The following DGKB variants were observed in gnomAD, a reference collection of about 807,000 sequenced individuals.
DGKB encodes the protein 90 kDa diacylglycerol kinase.
Under a neutral mutation model 114.3 loss-of-function variants are expected in DGKB, and 67 were observed. That is an observed-to-expected ratio of 0.59 (90% CI 0.48 to 0.72). The LOEUF is 0.72. Among genes scored for constraint, DGKB ranks in the 30% least tolerant of loss-of-function variants. The pLI, the probability that DGKB is intolerant of heterozygous loss-of-function variation, is 0.00. For synonymous variants in DGKB, 398 were observed against 323.1 expected (o/e 1.23, Z -2.49); for missense variants, 907 against 975.2 (o/e 0.93, Z 0.93).
chr7:14,650,140 G>A (rs1325795137), intron 13 of DGKB, among the ~76,000 whole-genome samples: 28 of 144,790 alleles, frequency 1.9e-4, no homozygotes, highest in African/African-American at 4.9e-4. Flanking sequence ...TCTGCACCAA[G>A]TGGACCTAAT....
At chr7:14,430,467 T>C (rs1445583589) in intron 21 of DGKB, among the ~76,000 whole-genome samples, 1 of 152,178 alleles carries the variant, frequency 6.6e-6, no homozygotes, top group East Asian at 1.9e-4. Flanking sequence ...GTGAAGTTGG[T>C]CCATTAATTT....
intron 21 of DGKB, among the ~76,000 whole-genome samples, chr7:14,408,253 AC>A (rs1824274110): frequency 6.6e-6 from 1 of 151,902 alleles, no homozygotes; most frequent in African/African-American, 2.4e-5. Flanking sequence ...TCATTAATAA[AC>A]CCTAGGTGTT....
At chr7:14,171,818 A>T (rs1781036240) in intron 25 of DGKB, among the ~76,000 whole-genome samples, 1 of 152,204 alleles carries the variant, frequency 6.6e-6, no homozygotes, top group South Asian at 2.1e-4. Context: ...AAATTTGCAA[A>T]TTCAAAGTGC....
At chr7:14,732,687 C>A (rs1377296476) in intron 5 of DGKB, among the ~76,000 whole-genome samples, 3 of 152,140 alleles carry the variant, frequency 2.0e-5, no homozygotes, top group Admixed American at 1.3e-4. Flanking sequence ...CTACATAGCC[C>A]ATATTCCTTT....
intron 23 of DGKB, among the ~76,000 whole-genome samples, chr7:14,249,397 T>C (rs999591744): frequency 6.6e-5 from 10 of 152,180 alleles, no homozygotes; most frequent in African/African-American, 2.2e-4. Context: ...CTTCCATTTT[T>C]TGAAGAGTTT....
chr7:14,807,284 T>G (rs6969161), intron 2 of DGKB, among the ~76,000 whole-genome samples: 3,220 of 152,104 alleles, frequency 0.021, 113 homozygotes, highest in African/African-American at 0.074. Flanking sequence ...TCTTGAGAAC[T>G]GAGATGATTT....
At chr7:14,444,336 GTA>G (rs1830456969) in intron 21 of DGKB, among the ~76,000 whole-genome samples, 1 of 151,484 alleles carries the variant, frequency 6.6e-6, no homozygotes, top group South Asian at 2.1e-4. Flanking sequence ...ATTGATAATT[GTA>G]TATATGAGTT....
intron 1 of DGKB, among the ~76,000 whole-genome samples, chr7:14,864,261 C>G (rs1851404196): frequency 6.6e-6 from 1 of 152,056 alleles, no homozygotes; most frequent in Admixed American, 6.6e-5. Flanking sequence ...GTTTAAATCA[C>G]TTAAATAGCA....
intron 1 of DGKB, among the ~76,000 whole-genome samples, chr7:14,948,010 G>T (rs547605716): frequency 1.3e-5 from 2 of 151,830 alleles, no homozygotes; most frequent in African/African-American, 4.8e-5. Context: ...AGTTTACGTG[G>T]TTGCTCAGAG....
At chr7:14,287,994 C>A (rs189069831) in intron 23 of DGKB, among the ~76,000 whole-genome samples, 2 of 152,100 alleles carry the variant, frequency 1.3e-5, no homozygotes. Context: ...AATGACAGAA[C>A]CAGCCAAGGC....
At chr7:14,542,190 T>C (rs1442366572) in intron 20 of DGKB, among the ~76,000 whole-genome samples, 1 of 152,002 alleles carries the variant, frequency 6.6e-6, no homozygotes, top group East Asian at 1.9e-4. Context: ...TTATCATTAT[T>C]ATTATTATTT....
chr7:14,660,506 T>A (rs1816815423), intron 13 of DGKB, among the ~76,000 whole-genome samples: 1 of 152,128 alleles, frequency 6.6e-6, no homozygotes, highest in African/African-American at 2.4e-5. Context: ...TTTATTTGCG[T>A]AGAGGTGTTT....
chr7:14,963,214 G>A (rs1290062970), intron 1 of DGKB, among the ~76,000 whole-genome samples: 1 of 152,018 alleles, frequency 6.6e-6, no homozygotes, highest in Non-Finnish European at 1.5e-5. Flanking sequence ...GCCAAGAGGG[G>A]GGTTACTAAA....
At chr7:14,726,035 T>C (rs1357373761) in intron 5 of DGKB, among the ~76,000 whole-genome samples, 1 of 152,220 alleles carries the variant, frequency 6.6e-6, no homozygotes, top group East Asian at 1.9e-4. Flanking sequence ...CATACACATA[T>C]TATCCCCATT....
At chr7:14,814,601 T>C (rs1843857219) in intron 2 of DGKB, among the ~76,000 whole-genome samples, 1 of 152,190 alleles carries the variant, frequency 6.6e-6, no homozygotes, top group Non-Finnish European at 1.5e-5. Flanking sequence ...ATCTGTTACA[T>C]TCATTTATGA....
chr7:14,815,364 C>T (rs145505308), intron 2 of DGKB: 1 of 152,360 alleles, frequency 6.6e-6, no homozygotes, highest in African/African-American at 2.4e-5. Context: ...CCCCTTACAG[C>T]AGGTCTCCCT....
At chr7:14,235,205 C>T (rs1421406231) in intron 23 of DGKB, among the ~76,000 whole-genome samples, 1 of 152,028 alleles carries the variant, frequency 6.6e-6, no homozygotes, top group African/African-American at 2.4e-5. Context: ...TACCACAGGT[C>T]ACATCTGCGG....
At chr7:14,637,247 T>C (rs1810917951) in intron 13 of DGKB, among the ~76,000 whole-genome samples, 1 of 151,964 alleles carries the variant, frequency 6.6e-6, no homozygotes, top group Non-Finnish European at 1.5e-5. Context: ...AACTAAGATA[T>C]ATACATATTT....
At chr7:14,925,725 T>A (rs949708601) in intron 1 of DGKB, among the ~76,000 whole-genome samples, 1 of 152,144 alleles carries the variant, frequency 6.6e-6, no homozygotes, top group Non-Finnish European at 1.5e-5. Flanking sequence ...CAAATGCAAG[T>A]TATTTTATAT....
Sources: allele counts gnomAD v4.1 joint callset (sites outside exome capture counted in the v4.1 genomes callset), GRCh38; gene constraint gnomAD v4.1.1; transcripts MANE v1.5; gene names NCBI Gene and HGNC (gene_info 2026-07-23, HGNC 2026-07-21).